The following CFAP54 variants were observed in gnomAD, a reference collection of about 807,000 sequenced individuals.
CFAP54 encodes cilia- and flagella-associated protein 54.
Under a neutral mutation model 370.4 loss-of-function variants are expected in CFAP54, and 290 were observed. The observed-to-expected ratio is 0.78, with a 90% CI of 0.71 to 0.86. The LOEUF (loss-of-function observed/expected upper bound fraction) is 0.86. Ranked by LOEUF, CFAP54 falls within the 40% of genes least tolerant of loss-of-function variation. CFAP54 has a pLI of 0.00. For synonymous variants in CFAP54, 1,206 were observed against 1,236.5 expected (o/e 0.98, Z 0.52); for missense variants, 3,399 against 3,528.7 (o/e 0.96, Z 0.93).
rs540833848 is a variant in CFAP54, at chr12:96,846,715, G to A, written c.9172-14104G>A. On this transcript the variant is annotated intron_variant, in intron 66 of 67. Coordinates refer to ENST00000524981, the MANE Select transcript of CFAP54 (RefSeq NM_001306084.2). The stretch of plus-strand genomic sequence containing the variant: ...CAACTCTATCACTTTTCATCAAGTG[G>A]TGCCTTGGCTGAGCCTGGAATAGGG... Among the ~76,000 whole-genome samples the A allele has an allele frequency of 2.0e-5, 3 of 152,274 alleles. No individual in the cohort carries two copies. The East Asian group carries it at 5.8e-4, about 29-fold the overall frequency.
intron 3 of CFAP54, among the ~76,000 whole-genome samples, chr12:96,505,076 CTT>C (rs59074848): frequency 9.1e-6 from 1 of 109,764 alleles, no homozygotes; most frequent in Admixed American, 9.5e-5. Flanking sequence ...TTCTTTTCTT[CTT>C]TTTTTTTTGG....
chr12:96,786,070 A>G lies in CFAP54; in HGVS notation c.8456-605A>G, dbSNP rs527482343. Among the ~76,000 whole-genome samples the G allele has an allele frequency of 1.9e-4, 29 of 152,278 alleles. No homozygotes were observed. In the South Asian group the frequency reaches 6.0e-3, roughly 32 times the overall value. On this transcript the variant is annotated intron_variant, in intron 61 of 67. Transcript: ENST00000524981. ...TGACTTTTCAAATAAACTGTCTACA[A>G]ATTCTTACCTTAGGATCTGTTTTAG...
At chr12:96,760,676 G>T (rs1167253899) in intron 58 of CFAP54, among the ~76,000 whole-genome samples, 1 of 152,122 alleles carries the variant, frequency 6.6e-6, no homozygotes, top group Non-Finnish European at 1.5e-5. Context: ...CGGACTACAG[G>T]CATGTACCGC....
At chr12:96,855,597 A>C (rs1307775438) in intron 66 of CFAP54, among the ~76,000 whole-genome samples, 1 of 152,238 alleles carries the variant, frequency 6.6e-6, no homozygotes, top group Non-Finnish European at 1.5e-5. Context: ...TAAACCTTAA[A>C]GTTCCAAAAT....
Position 96,792,341 on chromosome 12 carries a change from A to G in CFAP54, c.8692A>G (p.Ser2898Gly). The G allele has an allele frequency of 2.6e-6, 4 of 1,517,490 alleles. No individual in the cohort carries two copies. The highest frequency in any genetic ancestry group is 1.3e-5 in the South Asian group (1 of 79,666). The allele number at this position is 1,517,490 out of a possible 1,614,324, so 94.0% of individuals were successfully genotyped here. ...RESSAKLYRD[S>G]SVQSILSFKP... ...GTTTGTTCCCTAGTTGTATCGCGAT[A>G]GTTCTGTACAATCCATTTTATCTTT... Residue 2898 changes from serine to glycine, a missense_variant, in exon 63 of 68, where the codon AGT (serine) becomes GGT (glycine). This residue lies in a region of CFAP54 where 2,796 missense variants were observed against 2,869.7 expected (regional missense o/e 0.97). Coordinates refer to ENST00000524981, the MANE Select transcript of CFAP54 (RefSeq NM_001306084.2).
intron 67 of CFAP54, among the ~76,000 whole-genome samples, chr12:96,868,430 C>CTTTTTTTTT: frequency 7.2e-6 from 1 of 138,198 alleles, no homozygotes. Context: ...GTATGTTCAT[C>CTTTTTTTTT]TTTTTTTTTT....
intron 65 of CFAP54, among the ~76,000 whole-genome samples, chr12:96,826,534 TTATA>T (rs557579080): frequency 6.1e-5 from 6 of 99,040 alleles, no homozygotes; most frequent in South Asian, 2.8e-4. Context: ...ATATTATATA[TTATA>T]TATATAATTT....
intron 1 of CFAP54, among the ~76,000 whole-genome samples, chr12:96,491,632 G>GAA (rs1362153651): frequency 1.3e-5 from 2 of 152,194 alleles, no homozygotes; most frequent in Non-Finnish European, 2.9e-5. Flanking sequence ...TGGTGTACTA[G>GAA]AAGCAGGTAG....
chr12:96,858,863 C>T (rs545995390), intron 66 of CFAP54, among the ~76,000 whole-genome samples: 52 of 152,288 alleles, frequency 3.4e-4, no homozygotes, highest in Middle Eastern at 6.8e-3. Flanking sequence ...AAACTACCAA[C>T]AACATTCTTC....
chr12:96,560,236 T>C (rs1391444695), intron 17 of CFAP54, among the ~76,000 whole-genome samples: 2 of 152,182 alleles, frequency 1.3e-5, no homozygotes, highest in Non-Finnish European at 2.9e-5. Context: ...TATCTAACAA[T>C]ATGTTTGTAC....
In CFAP54 at chr12:96,598,776, C is replaced by A; in HGVS notation, c.3639+9C>A. On this transcript the variant is annotated intron_variant, in intron 26 of 67. Transcript: ENST00000524981. ...TTTTCTACATAACAAAGGTATTTATCTCATTCTTTATCTAGTATTATAATA... is the reference window on the plus strand; with the variant it reads ...TTTTCTACATAACAAAGGTATTTATATCATTCTTTATCTAGTATTATAATA... 1.7e-6 allele frequency: 1 copy of A among 586,920 alleles called. No homozygotes were observed. The highest frequency in any genetic ancestry group is 3.1e-6 in the Non-Finnish European group (1 of 324,256). 36.4% of individuals were successfully genotyped at this position (586,920 alleles called of 1,614,324 possible). A position where few individuals can be genotyped will look rare whatever the true frequency, so the allele number is the denominator to read the frequency against.
chr12:96,686,574 A>T (rs1295483161), intron 42 of CFAP54, among the ~76,000 whole-genome samples: 2 of 152,120 alleles, frequency 1.3e-5, no homozygotes, highest in Non-Finnish European at 2.9e-5. Flanking sequence ...CGCATCTCAC[A>T]TGGCAAGAAT....
At chr12:96,491,035 A>G (rs1381383493) in intron 1 of CFAP54, among the ~76,000 whole-genome samples, 4 of 152,096 alleles carry the variant, frequency 2.6e-5, no homozygotes, top group Middle Eastern at 6.8e-3. Flanking sequence ...CAGTGGCTCA[A>G]TCCTGGCTCA....
At chr12:96,745,254 A>T (rs1191456966) in intron 55 of CFAP54, among the ~76,000 whole-genome samples, 1 of 152,214 alleles carries the variant, frequency 6.6e-6, no homozygotes, top group Non-Finnish European at 1.5e-5. Flanking sequence ...GTCTTTGAGG[A>T]ATCACCACAC....
At chr12:96,645,240 T>C in intron 33 of CFAP54, 1 of 435,516 alleles carries the variant, frequency 2.3e-6, no homozygotes, top group Non-Finnish European at 4.7e-6. Flanking sequence ...TATGGAATAC[T>C]GTGTAGCTAT....
chr12:96,585,735 C>A (rs1387452544), intron 22 of CFAP54, among the ~76,000 whole-genome samples: 2 of 152,158 alleles, frequency 1.3e-5, no homozygotes, highest in Admixed American at 1.3e-4. Context: ...GAAATTTAAA[C>A]CTTACAGCCA....
chr12:96,568,424 T>C (rs1001044558), intron 19 of CFAP54, among the ~76,000 whole-genome samples: 1 of 152,120 alleles, frequency 6.6e-6, no homozygotes, highest in Non-Finnish European at 1.5e-5. Context: ...TATTTAGAAG[T>C]CCTGAAATCT....
Position 96,506,932 on chromosome 12 carries a change from A to G in CFAP54, c.572A>G (p.His191Arg). 1.3e-6 allele frequency: 2 copies of G among 1,529,354 alleles called. No homozygotes were observed. Among genetic ancestry groups the G allele is most frequent in the Non-Finnish European group, 1.7e-6 (2 of 1,145,026 alleles). 94.7% of individuals were successfully genotyped at this position (1,529,354 alleles called of 1,614,324 possible). Reference protein sequence around the residue: ...FKDKTAGLTFHALSGKNMCNY... With the variant: ...FKDKTAGLTFRALSGKNMCNY... ...CTATTTTCCCATGTGTTTCAGTTTC[A>G]TGCTTTGAGTGGCAAAAATATGTGC... The change falls in exon 4 of 68, where the codon CAT (histidine) becomes CGT (arginine). Residue 191 changes from histidine (H) to arginine (R), a missense_variant. Physicochemically the swap from His to Arg is conservative, Grantham distance 29. Around this residue, in one of 3 missense-constraint regions of CFAP54, gnomAD observed 559 missense variants for 576.7 expected, o/e 0.97. Transcript: ENST00000524981.
At chr12:96,671,157 A>G (rs1739931143) in intron 39 of CFAP54, among the ~76,000 whole-genome samples, 1 of 152,078 alleles carries the variant, frequency 6.6e-6, no homozygotes, top group African/African-American at 2.4e-5. Flanking sequence ...ATTTTAGTAG[A>G]GATGGGGTTT....
Sources: allele counts gnomAD v4.1 joint callset (sites outside exome capture counted in the v4.1 genomes callset), GRCh38; gene constraint gnomAD v4.1.1; regional missense constraint gnomAD v4.1.1; transcripts MANE v1.5; gene names NCBI Gene and HGNC (gene_info 2026-07-23, HGNC 2026-07-21).